The following AGAP1 variants were observed in gnomAD, a reference collection of about 807,000 sequenced individuals.
AGAP1 encodes arf-GAP with GTPase, ANK repeat and PH domain-containing protein 1.
Under a neutral mutation model 105.3 loss-of-function variants are expected in AGAP1, and 29 were observed. The observed-to-expected ratio is 0.28, with a 90% CI of 0.21 to 0.38. The LOEUF (loss-of-function observed/expected upper bound fraction) is 0.38, where lower values mean the gene tolerates loss of function less well. Among genes scored for constraint, AGAP1 ranks in the 10% least tolerant of loss-of-function variants. The pLI, the probability that AGAP1 is intolerant of heterozygous loss-of-function variation, is 1.00. For synonymous variants in AGAP1, 509 were observed against 485.9 expected (o/e 1.05, Z -0.63); for missense variants, 998 against 1,165.1 (o/e 0.86, Z 2.09).
In AGAP1 at chr2:235,603,218, G is replaced by GTT. The variant is rs139309485; in HGVS notation, c.164-105960_164-105959insTT. ...GGGAAACCCCTTTTGCTCGGCTCTC[G>GTT]TCTCTCTCTTGCCTGCCGCCATGTA... On this transcript the variant is annotated intron_variant, in intron 1 of 17. Coordinates refer to ENST00000304032, the MANE Select transcript of AGAP1 (RefSeq NM_001037131.3). 5.4e-3 allele frequency among the ~76,000 whole-genome samples: 818 copies of GTT among 151,974 alleles called. 4 individuals carry two copies. The highest frequency in any genetic ancestry group is 0.018 in the African/African-American group (765 of 41,452).
At chr2:235,825,430 CTAT>C (rs1959011162) in intron 9 of AGAP1, among the ~76,000 whole-genome samples, 1 of 151,962 alleles carries the variant, frequency 6.6e-6, no homozygotes, top group African/African-American at 2.4e-5. Context: ...TTTTTGAAAA[CTAT>C]TATTATTCAT....
intron 13 of AGAP1, among the ~76,000 whole-genome samples, chr2:235,987,466 AT>A (rs1273967033): frequency 9.6e-5 from 12 of 125,474 alleles, no homozygotes; most frequent in East Asian, 2.4e-4. Context: ...GGATTCATTG[AT>A]TTTTTTCCCC....
chr2:235,895,119 C>T (rs140462750), intron 10 of AGAP1, among the ~76,000 whole-genome samples: 25 of 152,210 alleles, frequency 1.6e-4, no homozygotes, highest in African/African-American at 5.8e-4. Context: ...CATTTTTGCT[C>T]AGTTCAGCTA....
chr2:235,750,579 G>T lies in AGAP1; in HGVS notation c.673+91G>T. ...GTCCTGCCTGCACTTGTGCATGTGGGTGGTGGAAATATGTCGTTGATGGGT... is the reference window on the plus strand; with the variant it reads ...GTCCTGCCTGCACTTGTGCATGTGGTTGGTGGAAATATGTCGTTGATGGGT... On this transcript the variant is annotated intron_variant, in intron 6 of 17. Coordinates refer to ENST00000304032, the MANE Select transcript of AGAP1 (RefSeq NM_001037131.3). This position sits in a 1 kb window ranked among gnomAD's most constrained non-coding sequence, Gnocchi z 5.3. 1.3e-6 allele frequency: 2 copies of T among 1,582,088 alleles called. No homozygotes were observed. Among genetic ancestry groups the T allele is most frequent in the Non-Finnish European group, 8.7e-7 (1 of 1,155,338 alleles).
chr2:235,968,691 C>CAGAAATTTG, intron 13 of AGAP1, 68 bp downstream of exon 13: 1 of 1,508,764 alleles, frequency 6.6e-7, no homozygotes, highest in Non-Finnish European at 9.0e-7. Context: ...TTTTCAAATG[C>CAGAAATTTG]GTGAAATTAG....
At chr2:235,587,156 C>A (rs979035601) in intron 1 of AGAP1, among the ~76,000 whole-genome samples, 2 of 152,156 alleles carry the variant, frequency 1.3e-5, no homozygotes, top group African/African-American at 4.8e-5. Context: ...AATAGACTCA[C>A]GTTGATTTCA....
intron 10 of AGAP1, among the ~76,000 whole-genome samples, chr2:235,903,911 AG>A (rs1270695798): frequency 6.6e-6 from 1 of 151,974 alleles, no homozygotes; most frequent in Non-Finnish European, 1.5e-5. Context: ...CTGTATCAGG[AG>A]GGATCTGGTA....
At position 236,110,773 on chromosome 2, in the gene AGAP1, CA is replaced by C. The variant is rs2059619341; in HGVS notation, c.2115-9418del. Among the ~76,000 whole-genome samples, 5 of 152,288 alleles carry C rather than the reference CA, an allele frequency of 3.3e-5. No individual in the cohort carries two copies. The South Asian group carries it at 1.0e-3, about 32-fold the overall frequency. On this transcript the variant is annotated intron_variant, in intron 16 of 17. Coordinates refer to ENST00000304032, the MANE Select transcript of AGAP1 (RefSeq NM_001037131.3). ...TGTAAATAAAGATGGAGAAATTATG[CA>C]GAAAGGCCTTTGTTTATTATTGTCT...
rs1952088743 is a variant in AGAP1, at chr2:235,733,837, A to AT, written c.311-7124dup. Among the ~76,000 whole-genome samples the AT allele has an allele frequency of 6.6e-6, 1 of 152,216 alleles. No homozygotes were observed. Among genetic ancestry groups the AT allele is most frequent in the African/African-American group, 2.4e-5 (1 of 41,460 alleles). ...AGTTACTTTGTATTTTACAATGTAA[A>AT]TTAAAAAAAAAAGTTGGGAGAGGAA... On this transcript the variant is annotated intron_variant, in intron 3 of 17. Coordinates refer to ENST00000304032, the MANE Select transcript of AGAP1 (RefSeq NM_001037131.3). This position sits in a 1 kb window ranked among gnomAD's most constrained non-coding sequence, Gnocchi z 5.0.
In AGAP1 at chr2:235,582,493, A is replaced by C. The variant is rs1378076049; in HGVS notation, c.163+87644A>C. ...TGCATTGATGAAGCCCTCTTGAGTC[A>C]GATCGTGGGGTTGGTTGGTCATGCG... On this transcript the variant is annotated intron_variant, in intron 1 of 17. Transcript: ENST00000304032. The surrounding 1 kb of genome is among the most constrained non-coding windows in gnomAD (Gnocchi z 4.7). Among the ~76,000 whole-genome samples the C allele has an allele frequency of 1.3e-5, 2 of 152,200 alleles. No individual in the cohort carries two copies. The highest frequency in any genetic ancestry group is 4.8e-5 in the African/African-American group (2 of 41,448).
At position 236,005,010 on chromosome 2, in the gene AGAP1, T is replaced by C. The variant is rs985395394; in HGVS notation, c.1646-31551T>C. Among the ~76,000 whole-genome samples, 1 of 152,210 alleles carries C rather than the reference T, an allele frequency of 6.6e-6. No individual in the cohort carries two copies. Among genetic ancestry groups the C allele is most frequent in the Non-Finnish European group, 1.5e-5 (1 of 68,030 alleles). On this transcript the variant is annotated intron_variant, in intron 13 of 17. Coordinates refer to ENST00000304032, the MANE Select transcript of AGAP1 (RefSeq NM_001037131.3). This position sits in a 1 kb window ranked among gnomAD's most constrained non-coding sequence, Gnocchi z 4.1. The stretch of plus-strand genomic sequence containing the variant: ...TGTTCAAGATGCTTATTAGAGTGTA[T>C]TTGATAGACTTTGTTTTCTAGGAAA...
intron 9 of AGAP1, among the ~76,000 whole-genome samples, chr2:235,835,468 ATGT>A (rs1960039973): frequency 6.6e-6 from 1 of 152,158 alleles, no homozygotes; most frequent in Non-Finnish European, 1.5e-5. Context: ...ATCTTTTCAG[ATGT>A]TGCTCATGTA....
At chr2:235,880,083 CTTTTT>C (rs35633339) in intron 9 of AGAP1, among the ~76,000 whole-genome samples, 3 of 138,890 alleles carry the variant, frequency 2.2e-5, no homozygotes, top group African/African-American at 5.3e-5. Flanking sequence ...GCACTCTGGC[CTTTTT>C]TTTTTTTTTT....
At chr2:235,653,108 A>T (rs2149326672) in intron 1 of AGAP1, among the ~76,000 whole-genome samples, 1 of 152,272 alleles carries the variant, frequency 6.6e-6, no homozygotes, top group Middle Eastern at 3.4e-3. Flanking sequence ...CTCAAAGCCC[A>T]TTTGCTGCAT....
intron 13 of AGAP1, among the ~76,000 whole-genome samples, chr2:235,987,801 A>G (rs561122704): frequency 6.6e-6 from 1 of 152,238 alleles, no homozygotes; most frequent in African/African-American, 2.4e-5. Context: ...TTCAATTTCC[A>G]TGTAACTGTG....
chr2:235,919,512 C>T lies in AGAP1; in HGVS notation c.1324+10606C>T, dbSNP rs971718903. Among the ~76,000 whole-genome samples, 4 of 152,094 alleles carry T rather than the reference C, an allele frequency of 2.6e-5. No homozygotes were observed. Among genetic ancestry groups the T allele is most frequent in the Non-Finnish European group, 5.9e-5 (4 of 68,016 alleles). ...GGGGTACTCCTTGGTGCTTTGTCTT[C>T]CCTGTGTCATTGCTGGATTCAGTTG... On this transcript the variant is annotated intron_variant, in intron 11 of 17. Transcript: ENST00000304032. This position sits in a 1 kb window ranked among gnomAD's most constrained non-coding sequence, Gnocchi z 4.1.
intron 16 of AGAP1, among the ~76,000 whole-genome samples, chr2:236,111,659 G>A (rs1172629403): frequency 6.6e-6 from 1 of 152,026 alleles, no homozygotes; most frequent in South Asian, 2.1e-4. Flanking sequence ...AAGCATGGTG[G>A]TATACACCTG....
rs966324719 is a variant in AGAP1 at position 235,888,388 on chromosome 2, C to A, written c.1155+4939C>A. On this transcript the variant is annotated intron_variant, in intron 10 of 17. Transcript: ENST00000304032. The surrounding 1 kb of genome is among the most constrained non-coding windows in gnomAD (Gnocchi z 4.8). ...ATAGGAGGGTCTAGAAGGCTCGACT[C>A]CCCTCCTAGGGCTGCTCCACACAGC... is the stretch of plus-strand genomic sequence containing the variant. 3.3e-5 allele frequency among the ~76,000 whole-genome samples: 5 copies of A among 152,040 alleles called. No individual in the cohort carries two copies. Among genetic ancestry groups the A allele is most frequent in the African/African-American group, 9.7e-5 (4 of 41,406 alleles).
At position 235,891,663 on chromosome 2, in the gene AGAP1, C is replaced by G. The variant is rs1286021618; in HGVS notation, c.1155+8214C>G. 1.3e-5 allele frequency among the ~76,000 whole-genome samples: 2 copies of G among 152,144 alleles called. No individual in the cohort carries two copies. Among genetic ancestry groups the G allele is most frequent in the African/African-American group, 4.8e-5 (2 of 41,428 alleles). ...TGACAAAGATGTGTGCAGTGAGATT[C>G]CTAAGTGGACCTGGAAGGATGAGCT... On this transcript the variant is annotated intron_variant, in intron 10 of 17. Coordinates refer to ENST00000304032, the MANE Select transcript of AGAP1 (RefSeq NM_001037131.3). The surrounding 1 kb of genome is among the most constrained non-coding windows in gnomAD (Gnocchi z 4.2).
Sources: allele counts gnomAD v4.1 joint callset (sites outside exome capture counted in the v4.1 genomes callset), GRCh38; gene constraint gnomAD v4.1.1; non-coding constraint Gnocchi (gnomAD v3.1); transcripts MANE v1.5; gene names NCBI Gene and HGNC (gene_info 2026-07-23, HGNC 2026-07-21).